The following IFT172 variants were observed in gnomAD, a reference collection of about 807,000 sequenced individuals.
IFT172 encodes intraflagellar transport 172.
A neutral mutation model predicts 248.9 loss-of-function variants in IFT172; 164 were observed. The observed-to-expected ratio is 0.66, with a 90% CI of 0.58 to 0.75. The LOEUF is 0.75. IFT172 is among the 30% of genes least tolerant of loss of function. IFT172 has a pLI of 0.00. For synonymous variants in IFT172, 729 were observed against 791.6 expected, an observed-to-expected ratio of 0.92 and a Z score of 1.33; for missense variants, 1,950 against 2,192.4, an observed-to-expected ratio of 0.89 and a Z score of 2.21.
rs543062555 is a variant in IFT172 at position 27,445,177 on chromosome 2, G to T, written c.5069-72C>A. On this transcript the variant is annotated intron_variant, in intron 46 of 47. Transcript: ENST00000260570. The surrounding 1 kb of genome is among the most constrained non-coding windows in gnomAD (Gnocchi z 4.4). The stretch of plus-strand genomic sequence containing the variant: ...GGAGGGAAAAATGAGGAGCAGCCTG[G>T]GGGGTAGAAAGCACAGTCCTGTCTT... 7.0e-5 allele frequency: 112 copies of T among 1,599,416 alleles called. No homozygotes were observed. Among genetic ancestry groups the T allele is most frequent in the South Asian group, 6.3e-4 (57 of 89,800 alleles).
intron 33 of IFT172, 107 bp downstream of exon 33, chr2:27,453,875 C>A: frequency 7.1e-7 from 1 of 1,415,012 alleles, no homozygotes; most frequent in South Asian, 1.3e-5. Context: ...CCCCACTCCC[C>A]AATACTAACC....
chr2:27,446,680 A>ATTTTTTTTTTTTT (rs766069964), intron 42 of IFT172, among the ~76,000 whole-genome samples: 1 of 80,468 alleles, frequency 1.2e-5, no homozygotes, highest in Non-Finnish European at 2.3e-5. Context: ...TGCCTGGCTA[A>ATTTTTTTTTTTTT]TTTTTTTTTT....
At chr2:27,463,288 A>G in intron 18 of IFT172, 107 bp from the exon 19 acceptor site, 1 of 1,039,716 alleles carries the variant, frequency 9.6e-7, no homozygotes, top group Non-Finnish European at 1.4e-6. Context: ...GTGCCAGCCA[A>G]TGTCTTGTCA....
Position 27,465,676 on chromosome 2 carries a change from C to A in IFT172, c.1829+70G>T, listed in dbSNP as rs78494876. 3,274 of 1,600,664 alleles carry A rather than the reference C, an allele frequency of 2.0e-3. 66 individuals carry two copies. The African/African-American group carries it at 0.038, about 19-fold the overall frequency. On this transcript the variant is annotated intron_variant, in intron 17 of 47. Transcript: ENST00000260570. Reference sequence around the variant, plus strand: ...TATTAGTGCTGGCCAGTTTTACACCCCACCCCAGGTCCTCCCCTCTCAGAA... The same window carrying A: ...TATTAGTGCTGGCCAGTTTTACACCACACCCCAGGTCCTCCCCTCTCAGAA...
In IFT172 at chr2:27,459,839, A is replaced by T; in HGVS notation, c.2522-10T>A. Reference sequence around the variant, plus strand: ...CGAGCCAGCTCTACCGCTGCCAGGGAGAGAAAAGATGCTCAGCCCAGATTT... The same window carrying T: ...CGAGCCAGCTCTACCGCTGCCAGGGTGAGAAAAGATGCTCAGCCCAGATTT... On this transcript the variant is annotated splice_polypyrimidine_tract_variant and intron_variant, in intron 23 of 47. Coordinates refer to ENST00000260570, the MANE Select transcript of IFT172 (RefSeq NM_015662.3). 6.2e-7 allele frequency: 1 copy of T among 1,609,468 alleles called. No individual in the cohort carries two copies. Among genetic ancestry groups the T allele is most frequent in the African/African-American group, 1.3e-5 (1 of 75,028 alleles).
intron 2 of IFT172, 76 bp from the exon 3 acceptor site, chr2:27,485,206 A>AT (rs1668670489): frequency 1.5e-5 from 21 of 1,433,156 alleles, no homozygotes; most frequent in Non-Finnish European, 1.8e-5. Flanking sequence ...AAAAAAAGGC[A>AT]TATGTGTGCT....
intron 16 of IFT172, 109 bp downstream of exon 16, chr2:27,470,819 A>C: frequency 1.0e-5 from 11 of 1,065,530 alleles, no homozygotes; most frequent in Non-Finnish European, 1.4e-5. Flanking sequence ...ATTCTATCAC[A>C]GAGATTAAGG....
intron 16 of IFT172, among the ~76,000 whole-genome samples, chr2:27,470,178 G>T (rs1035240169): frequency 1.3e-5 from 2 of 151,178 alleles, no homozygotes; most frequent in African/African-American, 4.9e-5. Context: ...CCAGGAGGCT[G>T]AGCTGCAATG....
Position 27,483,380 on chromosome 2 carries a change from A to G in IFT172, c.483-4T>C, listed in dbSNP as rs1668525396. On this transcript the variant is annotated splice_polypyrimidine_tract_variant and splice_region_variant and intron_variant, in intron 6 of 47. Coordinates refer to ENST00000260570, the MANE Select transcript of IFT172 (RefSeq NM_015662.3). ...GAGAATTCCTTTCCCAGAGCAACTA[A>G]AAAAGGAGAAAGGAGAGAAATACAG... The G allele has an allele frequency of 6.3e-7, 1 of 1,580,962 alleles. No homozygotes were observed. The highest frequency in any genetic ancestry group is 1.3e-5 in the African/African-American group (1 of 74,288).
intron 22 of IFT172, 74 bp downstream of exon 22, chr2:27,461,195 C>G (rs1666633407): frequency 6.2e-7 from 1 of 1,612,424 alleles, no homozygotes; most frequent in South Asian, 1.1e-5. Context: ...GCGCTCTGCA[C>G]CCCAAGACTC....
At chr2:27,468,152 TC>T (rs1188816259) in intron 16 of IFT172, among the ~76,000 whole-genome samples, 2 of 114,134 alleles carry the variant, frequency 1.8e-5, no homozygotes, top group Non-Finnish European at 3.4e-5. Flanking sequence ...AGAGCAAGAC[TC>T]TGTCTCAAAA....
chr2:27,488,397 G>A (rs559307519), intron 1 of IFT172, among the ~76,000 whole-genome samples: 52 of 138,652 alleles, frequency 3.8e-4, no homozygotes, highest in Non-Finnish European at 5.5e-4. Context: ...CAGGTGATCC[G>A]CCCGCCTCGG....
rs753504432 is a variant in IFT172 at position 27,476,700 on chromosome 2, C to T, written c.1352G>A (p.Arg451Gln). ...CAATTTCTTATTATCTTCTGTTCCTCGCTGACACCTCTCATTAATACGAAC... is the reference window on the plus strand; with the variant it reads ...CAATTTCTTATTATCTTCTGTTCCTTGCTGACACCTCTCATTAATACGAAC... ...ISVRINERCQRGTEDNKKLAY... is the reference protein window; with the variant it reads ...ISVRINERCQQGTEDNKKLAY... Residue 451 changes from arginine (R) to glutamine (Q), a missense_variant, in exon 14 of 48, where the codon CGA (arginine) becomes CAA (glutamine). Arg to Gln is a conservative substitution (Grantham distance 43). Transcript: ENST00000260570. The T allele has an allele frequency of 2.0e-5, 32 of 1,612,480 alleles. No homozygotes were observed. The highest frequency in any genetic ancestry group is 4.4e-5 in the South Asian group (4 of 91,018).
At position 27,477,227 on chromosome 2, in the gene IFT172, G is replaced by C. The variant is rs756627876; in HGVS notation, c.1315C>G (p.His439Asp). The C allele has an allele frequency of 6.2e-7, 1 of 1,612,994 alleles. No homozygotes were observed. The highest frequency in any genetic ancestry group is 8.5e-7 in the Non-Finnish European group (1 of 1,178,978). Residue 439 changes from histidine to aspartate, a missense_variant, in exon 13 of 48, where the codon CAC becomes GAC. By Grantham distance (81) the His-to-Asp change is moderately conservative (BLOSUM62 -1). This residue lies in a region of IFT172 where 1,166 missense variants were observed against 1,254.1 expected (regional missense o/e 0.93). Transcript: ENST00000260570. ...GSVRTEFMNP[H>D]LISVRINERC... ...ATCTTGTGAGGTTACCTGATGAGGT[G>C]GGGGTTCATGAATTCAGTGCGTACA...
intron 17 of IFT172, 55 bp from the exon 18 acceptor site, chr2:27,465,573 A>G: frequency 6.3e-7 from 1 of 1,578,016 alleles, no homozygotes. Context: ...AGGAAGATAC[A>G]GCAGAAGACT....
chr2:27,480,628 A>G (rs1260345), intron 8 of IFT172, among the ~76,000 whole-genome samples: 73,002 of 151,984 alleles, frequency 0.48, 18,918 homozygotes, highest in African/African-American at 0.67. Context: ...GCATATCTTA[A>G]ATATATATAG....
intron 16 of IFT172, among the ~76,000 whole-genome samples, chr2:27,469,292 C>T (rs1354366094): frequency 1.3e-5 from 2 of 152,080 alleles, no homozygotes; most frequent in Admixed American, 6.6e-5. Flanking sequence ...TCTCAGGACG[C>T]TGAGGTGGGA....
At chr2:27,486,762 A>C (rs539386146) in intron 1 of IFT172, among the ~76,000 whole-genome samples, 1 of 152,356 alleles carries the variant, frequency 6.6e-6, no homozygotes, top group South Asian at 2.1e-4. Context: ...CCCTACCTGC[A>C]TCATGACATC....
At position 27,449,395 on chromosome 2, in the gene IFT172, G is replaced by C. The variant is rs774259716; in HGVS notation, c.4225-15C>G. The C allele has an allele frequency of 6.2e-7, 1 of 1,614,184 alleles. No homozygotes were observed. The highest frequency in any genetic ancestry group is 8.5e-7 in the Non-Finnish European group (1 of 1,180,028). On this transcript the variant is annotated splice_polypyrimidine_tract_variant and intron_variant, in intron 38 of 47. Transcript: ENST00000260570. ...ACACCCACCAGCTGGGTCAATGGAAGACAGAGTTACAAGAGAAAAGAGATG... is the reference window on the plus strand; with the variant it reads ...ACACCCACCAGCTGGGTCAATGGAACACAGAGTTACAAGAGAAAAGAGATG...
Sources: allele counts gnomAD v4.1 joint callset (sites outside exome capture counted in the v4.1 genomes callset), GRCh38; gene constraint gnomAD v4.1.1; regional missense constraint gnomAD v4.1.1; non-coding constraint Gnocchi (gnomAD v3.1); transcripts MANE v1.5; gene names NCBI Gene and HGNC (gene_info 2026-07-23, HGNC 2026-07-21).